TTC28: variants seen among roughly 807,000 people sequenced by gnomAD.
TTC28 encodes the protein tetratricopeptide repeat protein 28.
In TTC28, 61 loss-of-function variants were observed where a neutral mutation model predicts 198.0. That is an observed-to-expected ratio of 0.31 (90% CI 0.25 to 0.38). The LOEUF is 0.38. TTC28 is among the 10% of genes least tolerant of loss of function. The pLI is 1.00. For synonymous variants in TTC28, 1,171 were observed against 1,297.8 expected (o/e 0.90, Z 2.10); for missense variants, 2,678 against 3,164.0 (o/e 0.85, Z 3.69).
At chr22:28,591,038 CACATATATATATAT>C (rs1305441660) in intron 2 of TTC28, among the ~76,000 whole-genome samples, 23 of 24,526 alleles carry the variant, frequency 9.4e-4, no homozygotes, top group South Asian at 2.6e-3. Context: ...CACACACACA[CACATATATATATAT>C]ATATATATAT....
chr22:28,222,861 C>T (rs1458330736), intron 5 of TTC28, among the ~76,000 whole-genome samples: 1 of 152,136 alleles, frequency 6.6e-6, no homozygotes, highest in Admixed American at 6.5e-5. Context: ...GGATATTAAA[C>T]CCTAGAAATG....
chr22:28,509,518 G>GATGC (rs958115303), intron 2 of TTC28, among the ~76,000 whole-genome samples: 5 of 152,192 alleles, frequency 3.3e-5, no homozygotes, highest in Non-Finnish European at 7.3e-5. Context: ...GAATCTCTGG[G>GATGC]ATGCAGTTAA....
At chr22:28,603,381 T>C (rs9613654) in intron 2 of TTC28, among the ~76,000 whole-genome samples, 27,959 of 151,914 alleles carry the variant, frequency 0.18, 3,309 homozygotes, top group Non-Finnish European at 0.26. Flanking sequence ...CTTTCTTTTT[T>C]TTTTTGTTTT....
At chr22:28,406,645 A>C (rs2047001727) in intron 2 of TTC28, among the ~76,000 whole-genome samples, 1 of 152,212 alleles carries the variant, frequency 6.6e-6, no homozygotes, top group Non-Finnish European at 1.5e-5. Flanking sequence ...AATTGGGGAA[A>C]ATGCTTTATT....
At chr22:28,063,337 T>A (rs1353950638) in intron 12 of TTC28, among the ~76,000 whole-genome samples, 1 of 152,216 alleles carries the variant, frequency 6.6e-6, no homozygotes, top group East Asian at 1.9e-4. Context: ...AGAATGGCTG[T>A]AGTTTACTAT....
At chr22:28,548,055 A>G (rs925078706) in intron 2 of TTC28, among the ~76,000 whole-genome samples, 36 of 152,060 alleles carry the variant, frequency 2.4e-4, no homozygotes, top group African/African-American at 7.7e-4. Flanking sequence ...GTTTTTTATT[A>G]TTATCTAAAT....
intron 2 of TTC28, among the ~76,000 whole-genome samples, chr22:28,586,910 G>C (rs930284963): frequency 6.6e-6 from 1 of 152,132 alleles, no homozygotes; most frequent in Admixed American, 6.5e-5. Flanking sequence ...ACAAATCAGA[G>C]AAAACTAAAT....
intron 16 of TTC28, 87 bp from the exon 17 acceptor site, chr22:27,996,346 GGT>G: frequency 2.7e-6 from 4 of 1,495,190 alleles, no homozygotes; most frequent in Non-Finnish European, 3.6e-6. Context: ...TACGCCTCGA[GGT>G]TAACCCAGCA....
At chr22:28,305,077 G>A (rs534563088) in intron 3 of TTC28, among the ~76,000 whole-genome samples, 4 of 151,892 alleles carry the variant, frequency 2.6e-5, no homozygotes, top group South Asian at 2.1e-4. Flanking sequence ...CGACCTCCCC[G>A]CCTCCCAGGT....
chr22:27,990,953 G>A (rs2146518943), intron 19 of TTC28, 141 bp from the exon 20 acceptor site: 1 of 801,054 alleles, frequency 1.2e-6, no homozygotes, highest in Non-Finnish European at 2.0e-6. Context: ...TGGGAGGGGA[G>A]AGGAGCAAGA....
intron 13 of TTC28, among the ~76,000 whole-genome samples, chr22:28,024,950 C>T (rs553790841): frequency 1.3e-5 from 2 of 152,264 alleles, no homozygotes; most frequent in East Asian, 3.9e-4. Context: ...CACTCAGCTC[C>T]TTATTGGGGC....
In TTC28 at chr22:27,982,868, T is replaced by C; in HGVS notation, c.6799A>G (p.Ser2267Gly). The change falls in exon 23 of 23, where the codon AGT (serine) becomes GGT (glycine). Residue 2267 changes from serine (S) to glycine (G), a missense_variant. By Grantham distance (56) the Ser-to-Gly change is moderately conservative. Transcript: ENST00000397906. This position sits in a 1 kb window ranked among gnomAD's most constrained non-coding sequence, Gnocchi z 5.2. ...MSIKDSPSQH[S>G]GRPSPGCDSQ... ...TCGCAGCCGGGCGATGGCCGGCCAC[T>C]GTGCTGGCTCGGGCTGTCTTTGATG... is the stretch of plus-strand genomic sequence containing the variant. The C allele has an allele frequency of 2.6e-6, 4 of 1,547,978 alleles. No homozygotes were observed. The highest frequency in any genetic ancestry group is 3.5e-6 in the Non-Finnish European group (4 of 1,144,380).
chr22:28,505,331 G>A (rs1258149387), intron 2 of TTC28, among the ~76,000 whole-genome samples: 2 of 151,626 alleles, frequency 1.3e-5, no homozygotes, highest in Admixed American at 6.6e-5. Flanking sequence ...AAGCAGCTGC[G>A]CTCTGCGGCA....
intron 2 of TTC28, among the ~76,000 whole-genome samples, chr22:28,448,393 T>C (rs1263080262): frequency 6.6e-6 from 1 of 152,226 alleles, no homozygotes; most frequent in African/African-American, 2.4e-5. Flanking sequence ...GATCAAAGGA[T>C]AAATGCCTGA....
intron 5 of TTC28, among the ~76,000 whole-genome samples, chr22:28,205,255 C>T (rs1926303800): frequency 6.6e-6 from 1 of 152,010 alleles, no homozygotes; most frequent in African/African-American, 2.4e-5. Context: ...AGAGAAATGA[C>T]TCCATTCAAC....
chr22:28,309,006 G>GC (rs2045202074), intron 2 of TTC28, among the ~76,000 whole-genome samples: 1 of 152,136 alleles, frequency 6.6e-6, no homozygotes, highest in Non-Finnish European at 1.5e-5. Context: ...AATGGCTGTT[G>GC]AATAAAAATG....
intron 2 of TTC28, among the ~76,000 whole-genome samples, chr22:28,514,120 C>G (rs2146402815): frequency 6.6e-6 from 1 of 152,188 alleles, no homozygotes; most frequent in South Asian, 2.1e-4. Flanking sequence ...TTTATATCTC[C>G]ATGTATTCTT....
In TTC28 at chr22:27,978,732, C is replaced by CTT. The variant is rs1160397372; in HGVS notation, c.*3487_*3488dup. On this transcript the variant is annotated 3_prime_UTR_variant, in exon 23 of 23. Coordinates refer to ENST00000397906, the MANE Select transcript of TTC28 (RefSeq NM_001145418.2). ...TGTAAGTTTTAGTAGCAATTTTTCT[C>CTT]TTGATATTTTGACTTAATTAAAAAA... 1.3e-5 allele frequency: 2 copies of CTT among 152,194 alleles called. No individual in the cohort carries two copies. The highest frequency in any genetic ancestry group is 4.8e-5 in the African/African-American group (2 of 41,450). 9.4% of individuals were successfully genotyped at this position (152,194 alleles called of 1,614,324 possible). A position where few individuals can be genotyped will look rare whatever the true frequency, so the allele number is the denominator to read the frequency against.
At position 28,559,742 on chromosome 22, in the gene TTC28, G is replaced by A. The variant is rs75309841; in HGVS notation, c.381+69810C>T. Among the ~76,000 whole-genome samples the A allele has an allele frequency of 5.8e-3, 884 of 152,112 alleles. 14 individuals carry two copies. The highest frequency in any genetic ancestry group is 0.02 in the African/African-American group (849 of 41,490). ...TCCAGTTTTTTCTCTTACCACATTC[G>A]CTGCTCCTCCTCAGGCTCCTTTGCT... is the stretch of plus-strand genomic sequence containing the variant. On this transcript the variant is annotated intron_variant, in intron 2 of 22. Coordinates refer to ENST00000397906, the MANE Select transcript of TTC28 (RefSeq NM_001145418.2).
Sources: allele counts gnomAD v4.1 joint callset (sites outside exome capture counted in the v4.1 genomes callset), GRCh38; gene constraint gnomAD v4.1.1; non-coding constraint Gnocchi (gnomAD v3.1); transcripts MANE v1.5; gene names NCBI Gene and HGNC (gene_info 2026-07-23, HGNC 2026-07-21).